The following RABL3 variants were observed in gnomAD, a reference collection of about 807,000 sequenced individuals.
RABL3 encodes rab-like protein 3.
RABL3 carries 31 observed loss-of-function variants against 31.8 expected under a neutral mutation model. The observed-to-expected ratio is 0.97, with a 90% CI of 0.73 to 1.31. The LOEUF (loss-of-function observed/expected upper bound fraction) is 1.31. RABL3 is among the 40% of genes most tolerant of loss of function. The probability of loss-of-function intolerance (pLI) is 0.00; values close to 1 mark genes in which losing one functional copy is unlikely to be tolerated. For missense variants in RABL3, 263 were observed against 279.6 expected (o/e 0.94, Z 0.42); for synonymous variants, 97 against 99.9 (o/e 0.97, Z 0.18).
intron 2 of RABL3, among the ~76,000 whole-genome samples, chr3:120,720,583 C>G (rs1708727016): frequency 6.6e-6 from 1 of 152,078 alleles, no homozygotes; most frequent in Non-Finnish European, 1.5e-5. Context: ...GAAAGGGTAT[C>G]AGCGATGGAA....
At chr3:120,739,480 T>C (rs1709015304) in intron 1 of RABL3, among the ~76,000 whole-genome samples, 1 of 152,146 alleles carries the variant, frequency 6.6e-6, no homozygotes, top group African/African-American at 2.4e-5. Flanking sequence ...GGCAAATCAG[T>C]TGTTTTTCCT....
chr3:120,692,461 G>A (rs554978337), intron 6 of RABL3, among the ~76,000 whole-genome samples: 1 of 152,302 alleles, frequency 6.6e-6, no homozygotes, highest in Non-Finnish European at 1.5e-5. Flanking sequence ...GCCTCCCAAA[G>A]TATTGGGATT....
intron 2 of RABL3, among the ~76,000 whole-genome samples, chr3:120,711,287 A>G (rs12489104): frequency 0.27 from 41,074 of 152,030 alleles, 7,486 homozygotes; most frequent in East Asian, 0.83. Context: ...CCAAAAACTT[A>G]AGACTGATCC....
chr3:120,693,396 G>A (rs1477154102), intron 6 of RABL3, among the ~76,000 whole-genome samples: 2 of 152,112 alleles, frequency 1.3e-5, no homozygotes, highest in Non-Finnish European at 2.9e-5. Context: ...AGAGCTATGG[G>A]GAAGATGATT....
chr3:120,698,354 A>ATTTG (rs1708460154), intron 5 of RABL3, 69 bp downstream of exon 5: 2 of 1,385,226 alleles, frequency 1.4e-6, no homozygotes, highest in Non-Finnish European at 2.0e-6. Flanking sequence ...AGAATATATT[A>ATTTG]TTTGAATATG....
chr3:120,712,282 TGAG>T lies in RABL3; in HGVS notation c.139-2376_139-2374del, dbSNP rs768338356. Among the ~76,000 whole-genome samples, 62 of 152,244 alleles carry T rather than the reference TGAG, an allele frequency of 4.1e-4. 1 individual carries two copies. In the Middle Eastern group the frequency reaches 0.014, roughly 33 times the overall value. On this transcript the variant is annotated intron_variant, in intron 2 of 7. Coordinates refer to ENST00000273375, the MANE Select transcript of RABL3 (RefSeq NM_173825.5). ...ATGAGAATAGCACAGTTGCAGCAGT[TGAG>T]GACCATTTGGGATAATGGAAATTAA...
chr3:120,734,884 G>A (rs1456438125), intron 1 of RABL3, among the ~76,000 whole-genome samples: 1 of 152,182 alleles, frequency 6.6e-6, no homozygotes, highest in Non-Finnish European at 1.5e-5. Flanking sequence ...TTGCATCCCA[G>A]GGATGAAGCC....
intron 3 of RABL3, among the ~76,000 whole-genome samples, chr3:120,709,265 T>C (rs187528704): frequency 7.7e-4 from 117 of 152,190 alleles, no homozygotes; most frequent in East Asian, 7.7e-4. Flanking sequence ...TCTGGAAGTC[T>C]GCTCCAGGTA....
rs1483438486 is a variant in RABL3, at chr3:120,706,133, A to T, written c.269-19T>A. The T allele has an allele frequency of 2.7e-6, 4 of 1,464,128 alleles. No homozygotes were observed. Among genetic ancestry groups the T allele is most frequent in the Non-Finnish European group, 3.8e-6 (4 of 1,043,828 alleles). 90.7% of individuals were successfully genotyped at this position (1,464,128 alleles called of 1,614,324 possible). A position where few individuals can be genotyped will look rare whatever the true frequency, so the allele number is the denominator to read the frequency against. On this transcript the variant is annotated intron_variant, in intron 3 of 7. Coordinates refer to ENST00000273375, the MANE Select transcript of RABL3 (RefSeq NM_173825.5). ...ATAATACCTAAAATAATCAGAGAAA[A>T]CAATGTTAATCCCTTAACAATTCCT...
At chr3:120,692,057 T>C (rs1384194764) in intron 6 of RABL3, among the ~76,000 whole-genome samples, 1 of 152,150 alleles carries the variant, frequency 6.6e-6, no homozygotes, top group East Asian at 1.9e-4. Flanking sequence ...CTTAAAACAA[T>C]CCCACAAAAA....
At chr3:120,717,538 A>C (rs1559818024) in intron 2 of RABL3, among the ~76,000 whole-genome samples, 1 of 152,000 alleles carries the variant, frequency 6.6e-6, no homozygotes, top group Non-Finnish European at 1.5e-5. Context: ...GCCTGATCTC[A>C]AGTCACTGCA....
intron 2 of RABL3, among the ~76,000 whole-genome samples, chr3:120,723,828 C>T (rs1383431520): frequency 1.3e-5 from 2 of 151,888 alleles, no homozygotes; most frequent in South Asian, 2.1e-4. Flanking sequence ...TATGACAAAC[C>T]CACAGCCAAT....
intron 4 of RABL3, among the ~76,000 whole-genome samples, chr3:120,703,726 T>C (rs369617043): frequency 1.3e-5 from 2 of 152,238 alleles, no homozygotes; most frequent in East Asian, 1.9e-4. Context: ...AAAAAGGTCA[T>C]ATCACTACAA....
chr3:120,711,143 CCTT>C (rs1708608584), intron 2 of RABL3, among the ~76,000 whole-genome samples: 1 of 152,072 alleles, frequency 6.6e-6, no homozygotes, highest in Non-Finnish European at 1.5e-5. Flanking sequence ...CCATTTGGGT[CCTT>C]CTTATCTCTC....
rs1473446939 is a variant in RABL3, at chr3:120,725,718, G to A, written c.138+4978C>T. On this transcript the variant is annotated intron_variant, in intron 2 of 7. Transcript: ENST00000273375. ...AAGGACAAAAAACCAAACACCACAT[G>A]TTCTCACTCATAGGTGGGAATTGAA... is the stretch of plus-strand genomic sequence containing the variant. Among the ~76,000 whole-genome samples the A allele has an allele frequency of 3.2e-4, 49 of 152,232 alleles. 1 individual carries two copies. The highest frequency in any genetic ancestry group is 2.9e-3 in the Admixed American group (44 of 15,294).
chr3:120,733,768 A>C (rs1453073296), intron 1 of RABL3, among the ~76,000 whole-genome samples: 2 of 152,112 alleles, frequency 1.3e-5, no homozygotes, highest in African/African-American at 4.8e-5. Context: ...TCAGCTTTCT[A>C]CATATGGCTA....
chr3:120,707,728 T>C (rs1053234316), intron 3 of RABL3, among the ~76,000 whole-genome samples: 1 of 152,100 alleles, frequency 6.6e-6, no homozygotes, highest in African/African-American at 2.4e-5. Context: ...GTAAAAGAAT[T>C]ACAAAGGCCT....
At chr3:120,741,237 C>T (rs73855270) in intron 1 of RABL3, among the ~76,000 whole-genome samples, 5,115 of 152,264 alleles carry the variant, frequency 0.034, 119 homozygotes, top group South Asian at 0.067. Context: ...CCACTTCAAG[C>T]TACCTGATAG....
chr3:120,720,062 C>G (rs1231362498), intron 2 of RABL3, among the ~76,000 whole-genome samples: 2 of 152,202 alleles, frequency 1.3e-5, no homozygotes, highest in African/African-American at 4.8e-5. Flanking sequence ...GCTGGTGATA[C>G]CCAGGCAAAC....
Sources: gnomAD v4.1 joint callset for allele counts (sites outside exome capture counted in the v4.1 genomes callset) on GRCh38, gnomAD v4.1.1 for gene constraint, MANE v1.5 for transcripts, NCBI Gene and HGNC (gene_info 2026-07-23, HGNC 2026-07-21) for gene names.